Variants in ZFHX3 observed in about 807,000 individuals in gnomAD.
The protein encoded by ZFHX3 is zinc finger homeobox protein 3.
ZFHX3 carries 42 observed loss-of-function variants against 279.1 expected under a neutral mutation model. The ratio of observed to expected loss-of-function variants is 0.15; its 90% CI spans 0.12 to 0.19. The LOEUF (loss-of-function observed/expected upper bound fraction) is 0.19. Among genes scored for constraint, ZFHX3 ranks in the 10% least tolerant of loss-of-function variants. ZFHX3 has a pLI of 1.00. For missense variants in ZFHX3, 4,981 were observed against 4,754.0 expected, an observed-to-expected ratio of 1.05 and a Z score of -1.40; for synonymous variants, 2,293 against 1,957.8, an observed-to-expected ratio of 1.17 and a Z score of -4.52.
At chr16:73,595,452 G>A (rs1003490959) in intron 2 of ZFHX3, among the ~76,000 whole-genome samples, 4 of 152,086 alleles carry the variant, frequency 2.6e-5, no homozygotes, top group Non-Finnish European at 5.9e-5. Flanking sequence ...TGGCTTCCAT[G>A]ACTCCTTTTT....
At chr16:73,082,684 G>A (rs1567659198) in intron 8 of ZFHX3, among the ~76,000 whole-genome samples, 1 of 152,214 alleles carries the variant, frequency 6.6e-6, no homozygotes, top group African/African-American at 2.4e-5. Context: ...CACGAGGGAA[G>A]TGGTGTGCCT....
At chr16:73,091,742 T>A (rs1966085550) in intron 8 of ZFHX3, among the ~76,000 whole-genome samples, 1 of 152,250 alleles carries the variant, frequency 6.6e-6, no homozygotes, top group African/African-American at 2.4e-5. Context: ...ATATAGCATT[T>A]GACAGTGCCA....
chr16:72,930,957 C>A (rs1959764516), intron 3 of ZFHX3, among the ~76,000 whole-genome samples: 5 of 152,166 alleles, frequency 3.3e-5, no homozygotes, highest in Admixed American at 3.3e-4. Context: ...TATTGCTATG[C>A]AAAACTTTCT....
At chr16:73,101,233 A>C (rs1567388686) in intron 7 of ZFHX3, among the ~76,000 whole-genome samples, 1 of 152,170 alleles carries the variant, frequency 6.6e-6, no homozygotes, top group East Asian at 1.9e-4. Context: ...CATCTTCTCA[A>C]AATTTCAAAA....
At chr16:72,934,233 T>C (rs918393351) in intron 3 of ZFHX3, among the ~76,000 whole-genome samples, 15 of 152,134 alleles carry the variant, frequency 9.9e-5, no homozygotes, top group African/African-American at 3.6e-4. Context: ...GAGACCAGCC[T>C]GGCCAACATG....
At chr16:72,881,970 G>A (rs1398394639) in intron 4 of ZFHX3, among the ~76,000 whole-genome samples, 1 of 152,136 alleles carries the variant, frequency 6.6e-6, no homozygotes, top group East Asian at 1.9e-4. Flanking sequence ...TTCACAGAAA[G>A]AACACTTGGT....
At chr16:73,782,207 G>A (rs1276142395) in intron 1 of ZFHX3, among the ~76,000 whole-genome samples, 1 of 152,134 alleles carries the variant, frequency 6.6e-6, no homozygotes, top group Non-Finnish European at 1.5e-5. Flanking sequence ...TAAATCTTGA[G>A]ACCTATGGAG....
At chr16:73,481,621 T>TG (rs79764236) in intron 2 of ZFHX3, among the ~76,000 whole-genome samples, 10,480 of 148,738 alleles carry the variant, frequency 0.07, 693 homozygotes, top group Admixed American at 0.23. Flanking sequence ...GTGTTGTTTT[T>TG]TTGTTGTTGT....
At chr16:73,718,768 A>G (rs1370943202) in intron 1 of ZFHX3, among the ~76,000 whole-genome samples, 1 of 151,618 alleles carries the variant, frequency 6.6e-6, no homozygotes, top group Non-Finnish European at 1.5e-5. Flanking sequence ...GGCGCACACC[A>G]CCACGTCCAG....
Position 73,013,086 on chromosome 16 carries a change from C to T in ZFHX3, c.-50+34666G>A, listed in dbSNP as rs941588208. On this transcript the variant is annotated intron_variant, in intron 1 of 9. Transcript: ENST00000268489. ...TCAGGAGGTACAGACCTACCAATCA[C>T]GGGAGTGAAGGTACCCAGGCCAAGG... Among the ~76,000 whole-genome samples, 13 of 152,248 alleles carry T rather than the reference C, an allele frequency of 8.5e-5. 1 individual carries two copies. Among genetic ancestry groups the T allele is most frequent in the Admixed American group, 6.5e-4 (10 of 15,300 alleles).
intron 1 of ZFHX3, among the ~76,000 whole-genome samples, chr16:73,759,255 C>A (rs1430000599): frequency 6.6e-6 from 1 of 152,152 alleles, no homozygotes; most frequent in East Asian, 1.9e-4. Flanking sequence ...ACACGTGACT[C>A]CCATCACATG....
intron 5 of ZFHX3, among the ~76,000 whole-genome samples, chr16:72,828,604 G>T (rs1413612430): frequency 1.3e-5 from 2 of 152,226 alleles, no homozygotes; most frequent in Non-Finnish European, 2.9e-5. Context: ...GGGGGAGGGG[G>T]AGGACAGGAA....
intron 3 of ZFHX3, among the ~76,000 whole-genome samples, chr16:73,334,079 T>G (rs2015859538): frequency 6.6e-6 from 1 of 151,970 alleles, no homozygotes; most frequent in Non-Finnish European, 1.5e-5. Context: ...AGGACATGGC[T>G]TATGTGCTGA....
At chr16:73,264,660 T>C (rs1308078187) in intron 4 of ZFHX3, among the ~76,000 whole-genome samples, 1 of 152,048 alleles carries the variant, frequency 6.6e-6, no homozygotes, top group Non-Finnish European at 1.5e-5. Flanking sequence ...CCGTGATTTG[T>C]GAGATTTCAG....
chr16:73,867,120 G>A (rs112077442), intron 1 of ZFHX3, among the ~76,000 whole-genome samples: 4 of 152,214 alleles, frequency 2.6e-5, no homozygotes, highest in Admixed American at 2.6e-4. Flanking sequence ...TCAACTACAG[G>A]TGAACTGAGA....
intron 5 of ZFHX3, among the ~76,000 whole-genome samples, chr16:73,214,280 C>G (rs1376077472): frequency 2.6e-5 from 4 of 152,212 alleles, no homozygotes; most frequent in South Asian, 2.1e-4. Context: ...CTGGGGCTAC[C>G]AGGCTGGATG....
chr16:73,154,578 C>A (rs1002262341), intron 5 of ZFHX3, among the ~76,000 whole-genome samples: 1 of 152,180 alleles, frequency 6.6e-6, no homozygotes, highest in African/African-American at 2.4e-5. Flanking sequence ...GAAGCTCTTT[C>A]ACAATCCTCA....
intron 5 of ZFHX3, among the ~76,000 whole-genome samples, chr16:73,251,340 A>T (rs1207664380): frequency 3.9e-5 from 6 of 152,222 alleles, no homozygotes; most frequent in African/African-American, 1.4e-4. Context: ...AAGTGTGATA[A>T]AACGATAACG....
intron 1 of ZFHX3, among the ~76,000 whole-genome samples, chr16:73,880,702 C>T (rs1054729385): frequency 6.6e-6 from 1 of 152,154 alleles, no homozygotes; most frequent in Admixed American, 6.5e-5. Flanking sequence ...ATTTAAATGT[C>T]TCCAACAGAA....
Sources: allele counts gnomAD v4.1 joint callset (sites outside exome capture counted in the v4.1 genomes callset), GRCh38; gene constraint gnomAD v4.1.1; transcripts MANE v1.5; gene names NCBI Gene and HGNC (gene_info 2026-07-23, HGNC 2026-07-21).